The following EEFSEC variants were observed in gnomAD, a reference collection of about 807,000 sequenced individuals.
EEFSEC encodes the protein selenocysteine-specific elongation factor.
Under a neutral mutation model 42.1 loss-of-function variants are expected in EEFSEC, and 43 were observed. The observed-to-expected ratio is 1.02, with a 90% CI of 0.80 to 1.32. The LOEUF is 1.32. EEFSEC is among the 40% of genes most tolerant of loss of function. EEFSEC has a pLI of 0.00. For missense variants in EEFSEC, 745 were observed against 803.6 expected, an observed-to-expected ratio of 0.93 and a Z score of 0.88; for synonymous variants, 354 against 339.1, an observed-to-expected ratio of 1.04 and a Z score of -0.48.
chr3:128,366,640 C>T (rs2067593601), intron 6 of EEFSEC, among the ~76,000 whole-genome samples: 1 of 152,254 alleles, frequency 6.6e-6, no homozygotes, highest in Admixed American at 6.5e-5. Context: ...CTTTACCAAG[C>T]ACTGACTCTT....
chr3:128,332,978 A>AT (rs151307777), intron 4 of EEFSEC, among the ~76,000 whole-genome samples: 2,396 of 152,138 alleles, frequency 0.016, 31 homozygotes, highest in South Asian at 0.036. Context: ...AGCTTATTTC[A>AT]TTTTTCCCCT....
intron 6 of EEFSEC, among the ~76,000 whole-genome samples, chr3:128,393,606 G>A (rs1459200138): frequency 6.6e-6 from 1 of 152,242 alleles, no homozygotes; most frequent in Non-Finnish European, 1.5e-5. Context: ...CAGGATCTGA[G>A]CCTGTGGCCA....
intron 1 of EEFSEC, among the ~76,000 whole-genome samples, chr3:128,229,385 C>T (rs1472889115): frequency 6.6e-6 from 1 of 152,198 alleles, no homozygotes; most frequent in Admixed American, 6.5e-5. Flanking sequence ...TCATTTGGAC[C>T]CCAGAGAGCC....
intron 4 of EEFSEC, among the ~76,000 whole-genome samples, chr3:128,326,943 C>A (rs1176193620): frequency 6.6e-6 from 1 of 152,210 alleles, no homozygotes; most frequent in Non-Finnish European, 1.5e-5. Context: ...GCTGTGCTCA[C>A]AGAAATGCAC....
chr3:128,236,889 A>T (rs1416815402), intron 1 of EEFSEC, among the ~76,000 whole-genome samples: 2 of 152,172 alleles, frequency 1.3e-5, no homozygotes, highest in Non-Finnish European at 2.9e-5. Context: ...CTCTGACCCT[A>T]CTGTGAAATT....
intron 2 of EEFSEC, among the ~76,000 whole-genome samples, chr3:128,257,340 G>T (rs1378235868): frequency 1.3e-5 from 2 of 152,112 alleles, no homozygotes; most frequent in African/African-American, 2.4e-5. Context: ...CTTTCTCTTT[G>T]CTCAGATGCT....
chr3:128,328,126 T>G (rs1292627423), intron 4 of EEFSEC, among the ~76,000 whole-genome samples: 2 of 152,138 alleles, frequency 1.3e-5, no homozygotes, highest in Non-Finnish European at 2.9e-5. Context: ...AGTCTATTGG[T>G]GAGGACACTG....
In EEFSEC at chr3:128,285,676, G is replaced by A. The variant is rs1043298497; in HGVS notation, c.786+20895G>A. Among the ~76,000 whole-genome samples the A allele has an allele frequency of 4.6e-5, 7 of 152,066 alleles. 1 individual carries two copies. The South Asian group carries it at 1.5e-3, about 32-fold the overall frequency. On this transcript the variant is annotated intron_variant, in intron 4 of 6. Coordinates refer to ENST00000254730, the MANE Select transcript of EEFSEC (RefSeq NM_021937.5). ...AAATTTAGCCATGGTTTCCTCCCTC[G>A]CACAGCCATCATGGACACCAACCCA... is the stretch of plus-strand genomic sequence containing the variant.
chr3:128,185,496 A>G (rs991615216), intron 1 of EEFSEC, among the ~76,000 whole-genome samples: 7 of 151,728 alleles, frequency 4.6e-5, no homozygotes, highest in African/African-American at 1.5e-4. Flanking sequence ...CTGGAGTGCA[A>G]TGACGTGAAT....
At chr3:128,226,083 C>T (rs1213024772) in intron 1 of EEFSEC, among the ~76,000 whole-genome samples, 1 of 152,200 alleles carries the variant, frequency 6.6e-6, no homozygotes, top group African/African-American at 2.4e-5. Context: ...TGGAAACACT[C>T]GTTGCCAGCA....
intron 1 of EEFSEC, among the ~76,000 whole-genome samples, chr3:128,212,635 T>C (rs894951074): frequency 1.3e-5 from 2 of 152,226 alleles, no homozygotes; most frequent in Non-Finnish European, 2.9e-5. Context: ...GGAGAAGATC[T>C]GGTTTAGAAA....
At chr3:128,282,895 G>A (rs936042186) in intron 4 of EEFSEC, among the ~76,000 whole-genome samples, 15 of 152,224 alleles carry the variant, frequency 9.9e-5, no homozygotes, top group Non-Finnish European at 1.6e-4. Flanking sequence ...GACGGCCTTC[G>A]GGAAGCAAGC....
intron 1 of EEFSEC, 33 bp downstream of exon 1, chr3:128,153,856 G>T: frequency 2.7e-6 from 4 of 1,472,694 alleles, no homozygotes; most frequent in Non-Finnish European, 3.6e-6. Context: ...GCCGGGCTCA[G>T]GGACGCGGGC....
chr3:128,226,223 A>G (rs915155879), intron 1 of EEFSEC, among the ~76,000 whole-genome samples: 3 of 152,226 alleles, frequency 2.0e-5, no homozygotes, highest in Non-Finnish European at 2.9e-5. Flanking sequence ...TAGACAGCCC[A>G]TGCCGTAAGC....
chr3:128,190,632 G>A (rs2065513941), intron 1 of EEFSEC, among the ~76,000 whole-genome samples: 1 of 152,112 alleles, frequency 6.6e-6, no homozygotes, highest in Non-Finnish European at 1.5e-5. Context: ...ATTTAGTGTT[G>A]TCTAAGTGTC....
At chr3:128,302,553 A>T (rs2066780756) in intron 4 of EEFSEC, among the ~76,000 whole-genome samples, 3 of 152,200 alleles carry the variant, frequency 2.0e-5, no homozygotes, top group African/African-American at 7.2e-5. Flanking sequence ...ATATCTAAAA[A>T]CATTTCTAAT....
At chr3:128,396,505 C>T (rs1049272790) in intron 6 of EEFSEC, among the ~76,000 whole-genome samples, 1 of 152,216 alleles carries the variant, frequency 6.6e-6, no homozygotes, top group Non-Finnish European at 1.5e-5. Flanking sequence ...GGCACTGGGA[C>T]ACACTGTCAA....
intron 1 of EEFSEC, among the ~76,000 whole-genome samples, chr3:128,191,417 C>A (rs761147841): frequency 1.1e-4 from 16 of 151,984 alleles, no homozygotes; most frequent in Non-Finnish European, 2.4e-4. Context: ...TCTTGAGTAG[C>A]TTAGACTTCA....
At chr3:128,278,218 G>A (rs757869561) in intron 4 of EEFSEC, among the ~76,000 whole-genome samples, 8 of 152,228 alleles carry the variant, frequency 5.3e-5, no homozygotes, top group Non-Finnish European at 1.2e-4. Context: ...TGGGGAGGCT[G>A]TTGCCATAGT....
Sources: gnomAD v4.1 joint callset for allele counts (sites outside exome capture counted in the v4.1 genomes callset) on GRCh38, gnomAD v4.1.1 for gene constraint, MANE v1.5 for transcripts, NCBI Gene and HGNC (gene_info 2026-07-23, HGNC 2026-07-21) for gene names.